FBXO34: variants seen among roughly 807,000 people sequenced by gnomAD.
The protein encoded by FBXO34 is F-box protein 34, also known as F-box only protein 34.
In FBXO34, 12 loss-of-function variants were observed where a neutral mutation model predicts 24.5. The ratio of observed to expected loss-of-function variants is 0.49; its 90% CI spans 0.31 to 0.79. The LOEUF (loss-of-function observed/expected upper bound fraction) is 0.79. Ranked by LOEUF, FBXO34 falls within the 30% of genes least tolerant of loss-of-function variation. The pLI, the probability that FBXO34 is intolerant of heterozygous loss-of-function variation, is 0.04. For missense variants in FBXO34, 823 were observed against 857.7 expected (o/e 0.96, Z 0.51); for synonymous variants, 320 against 311.9 (o/e 1.03, Z -0.27).
intron 1 of FBXO34, among the ~76,000 whole-genome samples, chr14:55,322,803 T>G (rs1260154719): frequency 2.6e-5 from 4 of 152,034 alleles, no homozygotes; most frequent in African/African-American, 7.2e-5. Context: ...CAACTAAGAT[T>G]ATAAAGCATT....
intron 1 of FBXO34, among the ~76,000 whole-genome samples, chr14:55,279,929 A>G (rs1881476277): frequency 6.6e-6 from 1 of 152,116 alleles, no homozygotes; most frequent in South Asian, 2.1e-4. Flanking sequence ...CTCTCCCTTT[A>G]CCTCCATGGT....
chr14:55,328,928 C>G (rs1382390744), intron 1 of FBXO34, among the ~76,000 whole-genome samples: 1 of 152,006 alleles, frequency 6.6e-6, no homozygotes, highest in African/African-American at 2.4e-5. Flanking sequence ...GGGCTGGGTC[C>G]AGCTGTATGC....
the FBXO34 span, among the ~76,000 whole-genome samples, chr14:55,432,063 G>T: frequency 2.6e-5 from 4 of 151,832 alleles, no homozygotes; most frequent in Non-Finnish European, 5.9e-5. Context: ...AGAAAACAAA[G>T]AAAAAAATGG....
intron 1 of FBXO34, among the ~76,000 whole-genome samples, chr14:55,303,877 TAGAG>T (rs1882448829): frequency 6.6e-6 from 1 of 152,066 alleles, no homozygotes. Flanking sequence ...GGGAGGTGAA[TAGAG>T]AGTCAATTTC....
In FBXO34 at chr14:55,343,484, C is replaced by T. The variant is rs185176378; in HGVS notation, c.-10-6897C>T. ...CAGGCTGGTCTCGAACTCCTGACCT[C>T]GTGATCTGCCTGCCTCGGCCTCCCA... On this transcript the variant is annotated intron_variant, in intron 1 of 1. Transcript: ENST00000313833. Among the ~76,000 whole-genome samples, 381 of 152,154 alleles carry T rather than the reference C, an allele frequency of 2.5e-3. 3 individuals are homozygous for T. The highest frequency in any genetic ancestry group is 6.4e-3 in the Admixed American group (98 of 15,270).
chr14:55,411,070 G>A, the FBXO34 span, among the ~76,000 whole-genome samples: 31 of 152,234 alleles, frequency 2.0e-4, no homozygotes, highest in South Asian at 6.2e-4. Flanking sequence ...AGGCAGGGAG[G>A]GGAAAGGGGC....
At chr14:55,412,227 A>C in the FBXO34 span, among the ~76,000 whole-genome samples, 3 of 152,162 alleles carry the variant, frequency 2.0e-5, no homozygotes, top group Non-Finnish European at 2.9e-5. Context: ...AGTAGGGTGA[A>C]GGGGCTGGGT....
the FBXO34 span, among the ~76,000 whole-genome samples, chr14:55,376,347 G>A: frequency 6.6e-6 from 1 of 152,190 alleles, no homozygotes; most frequent in Non-Finnish European, 1.5e-5. Flanking sequence ...GTACAGAGAG[G>A]ATGGTGAGTA....
the FBXO34 span, chr14:55,397,555 G>A: frequency 4.5e-5 from 34 of 762,694 alleles, no homozygotes; most frequent in African/African-American, 4.6e-4. Context: ...TGTCCTGATA[G>A]TAAATACACG....
the FBXO34 span, among the ~76,000 whole-genome samples, chr14:55,410,477 C>CT: frequency 3.6e-4 from 55 of 152,268 alleles, no homozygotes; most frequent in Non-Finnish European, 6.9e-4. Context: ...TTTCTAAAGT[C>CT]ATCAAGAGCA....
At chr14:55,272,673 TTAAA>T (rs535680504) in intron 1 of FBXO34, among the ~76,000 whole-genome samples, 145 of 152,186 alleles carry the variant, frequency 9.5e-4, no homozygotes, top group Non-Finnish European at 1.8e-3. Flanking sequence ...AACATTTGTC[TTAAA>T]TAATAATTAC....
chr14:55,306,831 T>TCAAAA (rs397787405), intron 1 of FBXO34, among the ~76,000 whole-genome samples: 103,474 of 150,944 alleles, frequency 0.69, 35,678 homozygotes, highest in Middle Eastern at 0.82. Flanking sequence ...AGACTCCATC[T>TCAAAA]CAAAACAAAA....
At chr14:55,323,227 T>TATA (rs1566555916) in intron 1 of FBXO34, among the ~76,000 whole-genome samples, 29 of 14,768 alleles carry the variant, frequency 2.0e-3, no homozygotes, top group East Asian at 0.013. Context: ...AAATATATAT[T>TATA]TTTTTTTTTT....
chr14:55,389,305 G>A, the FBXO34 span, among the ~76,000 whole-genome samples: 2 of 151,902 alleles, frequency 1.3e-5, no homozygotes, highest in African/African-American at 4.8e-5. Context: ...GACGGGGAGA[G>A]CATGAACTAA....
the FBXO34 span, chr14:55,382,228 G>T: frequency 2.7e-3 from 4,331 of 1,602,246 alleles, 97 homozygotes; most frequent in African/African-American, 0.049. Flanking sequence ...TTTCAAGAGA[G>T]AGGGTTTTTA....
the FBXO34 span, chr14:55,424,365 G>C: frequency 1.1e-5 from 7 of 634,546 alleles, no homozygotes; most frequent in Non-Finnish European, 1.6e-5. Context: ...AAATAAGTTA[G>C]CTATTTTATC....
the FBXO34 span, among the ~76,000 whole-genome samples, chr14:55,378,901 TCTCA>T: frequency 6.6e-6 from 1 of 151,898 alleles, no homozygotes; most frequent in Non-Finnish European, 1.5e-5. Context: ...AGCGACAAGG[TCTCA>T]CTATGTTTCC....
downstream of FBXO34, among the ~76,000 whole-genome samples, chr14:55,370,645 C>T (rs1884793567): frequency 6.8e-6 from 1 of 146,600 alleles, no homozygotes; most frequent in Non-Finnish European, 1.5e-5. Context: ...TTCTGCATTT[C>T]TTTTTTTTTT....
chr14:55,296,478 CT>C (rs202173029), intron 1 of FBXO34, among the ~76,000 whole-genome samples: 2,813 of 145,924 alleles, frequency 0.019, 84 homozygotes, highest in African/African-American at 0.063. Flanking sequence ...TCACTGCAAC[CT>C]CTGCCTTCAG....
Sources: gnomAD v4.1 joint callset for allele counts (sites outside exome capture counted in the v4.1 genomes callset) on GRCh38, gnomAD v4.1.1 for gene constraint, MANE v1.5 for transcripts, NCBI Gene and HGNC (gene_info 2026-07-23, HGNC 2026-07-21) for gene names.